The following MGAT4C variants were observed in gnomAD, a reference collection of about 807,000 sequenced individuals.
MGAT4C encodes the protein MGAT4 family member C.
Under a neutral mutation model 40.1 loss-of-function variants are expected in MGAT4C, and 19 were observed. The observed-to-expected ratio is 0.47, with a 90% confidence interval of 0.33 to 0.70. The LOEUF is 0.70. Among genes scored for constraint, MGAT4C ranks in the 30% least tolerant of loss-of-function variants. MGAT4C has a pLI of 0.02. For synonymous variants in MGAT4C, 181 were observed against 187.1 expected (o/e 0.97, Z 0.27); for missense variants, 491 against 563.2 (o/e 0.87, Z 1.30).
chr12:86,680,510 T>C (rs891014943), intron 2 of MGAT4C, among the ~76,000 whole-genome samples: 2 of 152,082 alleles, frequency 1.3e-5, no homozygotes, highest in Non-Finnish European at 2.9e-5. Context: ...TCAGGACTAA[T>C]GTGCAGTTGT....
At chr12:86,222,178 T>C (rs1197369665) in intron 1 of MGAT4C, among the ~76,000 whole-genome samples, 1 of 152,204 alleles carries the variant, frequency 6.6e-6, no homozygotes, top group African/African-American at 2.4e-5. Context: ...CACATTTTTC[T>C]TTCAAATCAG....
chr12:85,968,619 G>T lies in MGAT4C; in HGVS notation c.*10670C>A, dbSNP rs1177675780. ...TTCTAATCTATAATCTTTCAAACTG[G>T]ATAAATGGGAAGTTTTGGAATTTTA... On this transcript the variant is annotated 3_prime_UTR_variant, in exon 5 of 5. Coordinates refer to ENST00000611864, the MANE Select transcript of MGAT4C (RefSeq NM_001351288.2). The T allele has an allele frequency of 1.3e-5, 2 of 151,894 alleles. No homozygotes were observed. Among genetic ancestry groups the T allele is most frequent in the South Asian group, 2.1e-4 (1 of 4,826 alleles). The allele number at this position is 151,894 out of a possible 1,614,324, so 9.4% of individuals were successfully genotyped here.
chr12:86,797,026 G>C (rs993268688), intron 1 of MGAT4C, among the ~76,000 whole-genome samples: 1 of 151,760 alleles, frequency 6.6e-6, no homozygotes, highest in African/African-American at 2.4e-5. Flanking sequence ...TAATACACTG[G>C]GTGAATATCT....
intron 2 of MGAT4C, among the ~76,000 whole-genome samples, chr12:86,551,700 C>T (rs890144451): frequency 5.9e-5 from 9 of 152,118 alleles, no homozygotes; most frequent in Non-Finnish European, 1.0e-4. Context: ...GATGGCAAAC[C>T]CACTGTGTGG....
intron 1 of MGAT4C, among the ~76,000 whole-genome samples, chr12:86,251,368 A>T (rs762279562): frequency 2.0e-5 from 3 of 151,952 alleles, no homozygotes; most frequent in Non-Finnish European, 2.9e-5. Flanking sequence ...TTTCCCATAA[A>T]GTTTTTGGTT....
At chr12:86,060,047 T>C (rs1451986406) in intron 1 of MGAT4C, among the ~76,000 whole-genome samples, 1 of 152,160 alleles carries the variant, frequency 6.6e-6, no homozygotes, top group Admixed American at 6.6e-5. Flanking sequence ...AACATGGCTA[T>C]CTACTAGGAA....
At chr12:86,358,283 A>AT (rs1243506751) in intron 3 of MGAT4C, among the ~76,000 whole-genome samples, 3 of 152,182 alleles carry the variant, frequency 2.0e-5, no homozygotes, top group Admixed American at 6.5e-5. Context: ...AAATATTGAG[A>AT]TTTTGTCACC....
chr12:86,204,703 T>C (rs1242555920), intron 1 of MGAT4C, among the ~76,000 whole-genome samples: 2 of 152,112 alleles, frequency 1.3e-5, no homozygotes. Context: ...TGTATAAACA[T>C]TTAAGACCCA....
chr12:86,346,255 C>T (rs541212108), intron 3 of MGAT4C, among the ~76,000 whole-genome samples: 7 of 152,148 alleles, frequency 4.6e-5, no homozygotes, highest in African/African-American at 1.7e-4. Context: ...GACAGAGTCT[C>T]ACTTCTTCGC....
intron 1 of MGAT4C, among the ~76,000 whole-genome samples, chr12:86,051,277 A>G (rs1402584658): frequency 2.6e-5 from 4 of 151,954 alleles, no homozygotes; most frequent in East Asian, 3.9e-4. Flanking sequence ...ATAATTCAGG[A>G]TACATTTTAA....
At chr12:86,175,926 G>A (rs839108) in intron 1 of MGAT4C, among the ~76,000 whole-genome samples, 98,073 of 151,956 alleles carry the variant, frequency 0.65, 32,004 homozygotes, top group South Asian at 0.72. Flanking sequence ...AGCCGATATC[G>A]CGCCACTGCA....
chr12:86,664,718 A>T (rs1964061837), intron 2 of MGAT4C, among the ~76,000 whole-genome samples: 1 of 152,212 alleles, frequency 6.6e-6, no homozygotes, highest in Non-Finnish European at 1.5e-5. Context: ...AAGATTAAAA[A>T]ATCTTATTAT....
At chr12:86,253,073 A>G (rs1202504409) in intron 1 of MGAT4C, among the ~76,000 whole-genome samples, 3 of 151,986 alleles carry the variant, frequency 2.0e-5, no homozygotes, top group Non-Finnish European at 2.9e-5. Context: ...AACACAAGAA[A>G]TGCAAATGAA....
chr12:86,187,275 C>G (rs1226816775), intron 1 of MGAT4C, among the ~76,000 whole-genome samples: 1 of 151,956 alleles, frequency 6.6e-6, no homozygotes, highest in African/African-American at 2.4e-5. Context: ...ACAGCTGGAG[C>G]CCTCCATTAT....
chr12:86,010,313 A>G (rs965310587), intron 2 of MGAT4C, among the ~76,000 whole-genome samples: 2 of 152,244 alleles, frequency 1.3e-5, no homozygotes, highest in Non-Finnish European at 2.9e-5. Context: ...AAGAGTTCCT[A>G]AATACCAAAA....
At chr12:86,344,338 G>T (rs1954969345) in intron 3 of MGAT4C, among the ~76,000 whole-genome samples, 1 of 152,092 alleles carries the variant, frequency 6.6e-6, no homozygotes, top group African/African-American at 2.4e-5. Context: ...TATCACAAGG[G>T]ACTTTGCTTT....
At chr12:86,356,629 T>C (rs1359525085) in intron 3 of MGAT4C, among the ~76,000 whole-genome samples, 1 of 152,148 alleles carries the variant, frequency 6.6e-6, no homozygotes, top group Non-Finnish European at 1.5e-5. Context: ...ACCCTAATAC[T>C]GGGCTTTTCC....
chr12:86,368,398 C>G (rs1448917603), intron 3 of MGAT4C, among the ~76,000 whole-genome samples: 1 of 151,554 alleles, frequency 6.6e-6, no homozygotes, highest in Non-Finnish European at 1.5e-5. Context: ...TTTATTTCTG[C>G]TTTGATCTTT....
chr12:86,517,162 T>C (rs895572559), intron 2 of MGAT4C, among the ~76,000 whole-genome samples: 2 of 152,220 alleles, frequency 1.3e-5, no homozygotes, highest in Non-Finnish European at 2.9e-5. Context: ...AGAGTTACCA[T>C]ATAATGTTTT....
Sources: allele counts gnomAD v4.1 joint callset (sites outside exome capture counted in the v4.1 genomes callset), GRCh38; gene constraint gnomAD v4.1.1; transcripts MANE v1.5; gene names NCBI Gene and HGNC (gene_info 2026-07-23, HGNC 2026-07-21).